ATRNL1: variants seen among roughly 807,000 people sequenced by gnomAD.
ATRNL1 encodes attractin like 1, also known as attractin-like protein 1.
ATRNL1 carries 95 observed loss-of-function variants against 182.7 expected under a neutral mutation model. The ratio of observed to expected loss-of-function variants is 0.52; its 90% CI spans 0.44 to 0.62. ATRNL1 has a LOEUF of 0.62. Ranked by LOEUF, ATRNL1 falls within the 20% of genes least tolerant of loss-of-function variation. ATRNL1 has a pLI of 0.00. For synonymous variants in ATRNL1, 576 were observed against 568.3 expected, an observed-to-expected ratio of 1.01 and a Z score of -0.19; for missense variants, 1,471 against 1,679.5, an observed-to-expected ratio of 0.88 and a Z score of 2.17.
rs575076853 is a variant in ATRNL1, at chr10:115,374,792, C to T, written c.3176-19867C>T. Among the ~76,000 whole-genome samples, 6 of 151,774 alleles carry T rather than the reference C, an allele frequency of 4.0e-5. No individual in the cohort carries two copies. The South Asian group carries it at 1.0e-3, about 26-fold the overall frequency. On this transcript the variant is annotated intron_variant, in intron 19 of 28. Coordinates refer to ENST00000355044, the MANE Select transcript of ATRNL1 (RefSeq NM_207303.4). Reference sequence around the variant, plus strand: ...CTTTGTGAATTTTCAATTTTTCCTCCTGTTACTGATTTCTAATTTACTACC... The same window carrying T: ...CTTTGTGAATTTTCAATTTTTCCTCTTGTTACTGATTTCTAATTTACTACC...
intron 5 of ATRNL1, among the ~76,000 whole-genome samples, chr10:115,150,950 C>T (rs1014072318): frequency 6.6e-6 from 1 of 152,146 alleles, no homozygotes; most frequent in Admixed American, 6.5e-5. Context: ...CAATTCCCAC[C>T]TATGAGTGAG....
Position 115,322,448 on chromosome 10 carries a change from C to T in ATRNL1, c.3037+6712C>T, listed in dbSNP as rs535838503. ...CCTATTTTGTGCTTTTATTGGCAAA[C>T]ATGTTACATTTTTATGGTTATAGGA... is the stretch of plus-strand genomic sequence containing the variant. On this transcript the variant is annotated intron_variant, in intron 18 of 28. Transcript: ENST00000355044. Among the ~76,000 whole-genome samples, 475 of 151,826 alleles carry T rather than the reference C, an allele frequency of 3.1e-3. 5 individuals carry two copies. The highest frequency in any genetic ancestry group is 0.027 in the Middle Eastern group (8 of 294).
intron 21 of ATRNL1, among the ~76,000 whole-genome samples, chr10:115,441,600 G>C (rs1846683421): frequency 6.6e-6 from 1 of 151,702 alleles, no homozygotes; most frequent in African/African-American, 2.4e-5. Context: ...AAAACTTGTA[G>C]TTTTGATCAC....
chr10:115,274,592 C>A (rs949106397), intron 13 of ATRNL1, among the ~76,000 whole-genome samples: 4 of 152,108 alleles, frequency 2.6e-5, no homozygotes. Context: ...TAGGTCCAAT[C>A]TATGTGATGT....
intron 26 of ATRNL1, among the ~76,000 whole-genome samples, chr10:115,596,366 AAAGTGCTGG>A (rs1233645829): frequency 6.6e-6 from 1 of 152,160 alleles, no homozygotes; most frequent in Non-Finnish European, 1.5e-5. Flanking sequence ...TTGGCCTCCC[AAAGTGCTGG>A]GATTACAGGC....
chr10:115,224,493 G>A (rs1040769718), intron 9 of ATRNL1, among the ~76,000 whole-genome samples: 4 of 151,978 alleles, frequency 2.6e-5, no homozygotes, highest in Admixed American at 6.6e-5. Flanking sequence ...TGAGATAAGA[G>A]CATGAATTAA....
chr10:115,397,726 AG>A (rs1844359084), intron 20 of ATRNL1, among the ~76,000 whole-genome samples: 1 of 151,974 alleles, frequency 6.6e-6, no homozygotes. Context: ...ATAAAAGCAA[AG>A]AAGTAGAAAT....
intron 25 of ATRNL1, among the ~76,000 whole-genome samples, chr10:115,546,734 A>C (rs1301680261): frequency 2.0e-5 from 3 of 152,134 alleles, no homozygotes; most frequent in Non-Finnish European, 4.4e-5. Context: ...ATATTTAAGT[A>C]ACATCCCACT....
chr10:115,416,357 A>T (rs1845389939), intron 20 of ATRNL1, among the ~76,000 whole-genome samples: 2 of 152,182 alleles, frequency 1.3e-5, no homozygotes, highest in Non-Finnish European at 2.9e-5. Flanking sequence ...GTTTAAATTT[A>T]ACTCATAAAA....
At chr10:115,739,391 A>G (rs556271579) in intron 27 of ATRNL1, among the ~76,000 whole-genome samples, 2 of 152,324 alleles carry the variant, frequency 1.3e-5, no homozygotes, top group East Asian at 3.9e-4. Flanking sequence ...ATGCTTGGGA[A>G]CAGTGTTATA....
intron 27 of ATRNL1, among the ~76,000 whole-genome samples, chr10:115,783,258 TTAAG>T (rs1949313524): frequency 6.7e-6 from 1 of 149,484 alleles, no homozygotes; most frequent in Non-Finnish European, 1.5e-5. Context: ...ACACACACAT[TTAAG>T]TGTGTATTAA....
intron 28 of ATRNL1, among the ~76,000 whole-genome samples, chr10:115,883,743 T>C (rs1555109164): frequency 6.6e-6 from 1 of 152,204 alleles, no homozygotes; most frequent in Non-Finnish European, 1.5e-5. Context: ...GGGGATCTTC[T>C]AGAGCTTTGG....
At chr10:115,130,731 CG>C (rs1845193716) in intron 5 of ATRNL1, among the ~76,000 whole-genome samples, 1 of 151,894 alleles carries the variant, frequency 6.6e-6, no homozygotes, top group Admixed American at 6.6e-5. Context: ...TCATTTCTGT[CG>C]TGAAACTAAA....
chr10:115,793,328 G>C (rs1202649211), intron 27 of ATRNL1, among the ~76,000 whole-genome samples: 1 of 152,044 alleles, frequency 6.6e-6, no homozygotes, highest in Admixed American at 6.6e-5. Flanking sequence ...AGAATTTTAT[G>C]TAGTCTCTCA....
At chr10:115,200,426 G>T (rs1208746387) in intron 8 of ATRNL1, among the ~76,000 whole-genome samples, 1 of 136,304 alleles carries the variant, frequency 7.3e-6, no homozygotes. Context: ...CCCTTCCTGT[G>T]TCCATGTGTT....
chr10:115,827,038 A>G (rs1555092207), intron 27 of ATRNL1, among the ~76,000 whole-genome samples: 1 of 152,070 alleles, frequency 6.6e-6, no homozygotes, highest in East Asian at 1.9e-4. Flanking sequence ...AAAGCTACAT[A>G]TTATCAAAAT....
chr10:115,368,799 C>T (rs12256700), intron 19 of ATRNL1, among the ~76,000 whole-genome samples: 2,044 of 151,928 alleles, frequency 0.013, 44 homozygotes, highest in African/African-American at 0.047. Flanking sequence ...CTGCAACCAC[C>T]GCCTCCTGGG....
chr10:115,527,634 G>T (rs552732470), intron 25 of ATRNL1, among the ~76,000 whole-genome samples: 1 of 152,102 alleles, frequency 6.6e-6, no homozygotes, highest in South Asian at 2.1e-4. Context: ...GACCTAGTTG[G>T]TAATTGGCTT....
At position 115,578,896 on chromosome 10, in the gene ATRNL1, A is replaced by G. The variant is rs139014070; in HGVS notation, c.3795+29360A>G. On this transcript the variant is annotated intron_variant, in intron 26 of 28. Transcript: ENST00000355044. Reference sequence around the variant, plus strand: ...TGTTAGATTGCTTTTGCTGCATCCTATAAGTTTTCTTACGTTGTATTTCCA... The same window carrying G: ...TGTTAGATTGCTTTTGCTGCATCCTGTAAGTTTTCTTACGTTGTATTTCCA... Among the ~76,000 whole-genome samples, 667 of 151,720 alleles carry G rather than the reference A, an allele frequency of 4.4e-3. 3 individuals carry two copies. Among genetic ancestry groups the G allele is most frequent in the African/African-American group, 0.014 (586 of 41,490 alleles).
Sources: gnomAD v4.1 joint callset for allele counts (sites outside exome capture counted in the v4.1 genomes callset) on GRCh38, gnomAD v4.1.1 for gene constraint, MANE v1.5 for transcripts, NCBI Gene and HGNC (gene_info 2026-07-23, HGNC 2026-07-21) for gene names.